FAM186A: variants seen among roughly 807,000 people sequenced by gnomAD.
FAM186A encodes protein FAM186A.
FAM186A carries 163 observed loss-of-function variants against 216.8 expected under a neutral mutation model. That is an observed-to-expected ratio of 0.75 (90% confidence interval 0.66 to 0.86). FAM186A has a LOEUF of 0.86. Ranked by LOEUF, FAM186A falls within the 40% of genes least tolerant of loss-of-function variation. FAM186A has a pLI of 0.00. For synonymous variants in FAM186A, 805 were observed against 1,025.3 expected (o/e 0.79, Z 4.10); for missense variants, 2,184 against 2,746.2 (o/e 0.80, Z 4.58).
intron 1 of FAM186A, among the ~76,000 whole-genome samples, chr12:50,385,511 G>T (rs1943294766): frequency 6.6e-6 from 1 of 151,776 alleles, no homozygotes; most frequent in East Asian, 1.9e-4. Flanking sequence ...TTTGTATATG[G>T]TTCCAAAAGT....
rs1942968408 is a variant in FAM186A, at chr12:50,355,692, C to G, written c.1140G>C (p.Lys380Asn). The G allele has an allele frequency of 6.4e-7, 1 of 1,550,674 alleles. No individual in the cohort carries two copies. Among genetic ancestry groups the G allele is most frequent in the Admixed American group, 2.0e-5 (1 of 50,788 alleles). The part of the protein sequence containing the change: ...TEDNMDNILD[K>N]ELENIVDEVQ... ...CTTCATCTACAATATTTTCAAGTTC[C>G]TTGTCTAAAATATTGTCCATATTGT... Residue 380 changes from lysine to asparagine, a missense_variant, in exon 4 of 8, where the codon AAG (lysine) becomes AAC (asparagine). Around this residue, in one of 7 missense-constraint regions of FAM186A, gnomAD observed 1,132 missense variants for 1,263.4 expected, o/e 0.90. Coordinates refer to ENST00000327337, the MANE Select transcript of FAM186A (RefSeq NM_001145475.3).
In FAM186A at chr12:50,352,932, C is replaced by A. The variant is rs1942917724; in HGVS notation, c.3900G>T (p.Gly1300=). The A allele has an allele frequency of 6.5e-7, 1 of 1,530,816 alleles. No individual in the cohort carries two copies. Among genetic ancestry groups the A allele is most frequent in the East Asian group, 2.5e-5 (1 of 39,438 alleles). The allele number at this position is 1,530,816 out of a possible 1,614,324, so 94.8% of individuals were successfully genotyped here. A position where few individuals can be genotyped will look rare whatever the true frequency, so the allele number is the denominator to read the frequency against. ...PLNPQQAQTL[G]IPLTPKQAQA... is the part of the protein sequence containing the mutation. ...GTGCCTGCTTAGGGGTGAGAGGGAT[C>A]CCCAGGGTCTGGGCCTGCTGAGGGT... The change falls in exon 4 of 8, where the codon GGG becomes GGT. Residue 1300 remains glycine (G), a synonymous_variant. Coordinates refer to ENST00000327337, the MANE Select transcript of FAM186A (RefSeq NM_001145475.3).
At position 50,353,073 on chromosome 12, in the gene FAM186A, G is replaced by A. The variant is rs1168567621; in HGVS notation, c.3759C>T (p.Ile1253=). 5 of 1,537,116 alleles carry A rather than the reference G, an allele frequency of 3.3e-6. No individual in the cohort carries two copies. Among genetic ancestry groups the A allele is most frequent in the Non-Finnish European group, 4.4e-6 (5 of 1,139,652 alleles). The change falls in exon 4 of 8, where the codon ATC becomes ATT. Residue 1253 remains isoleucine (I), a synonymous_variant. Transcript: ENST00000327337. Reference sequence around the variant, plus strand: ...CCTGAACCTGCTTAGGGGTGAGAGTGATTCCGAGAGCCTGCGCCTGCTGAG... The same window carrying A: ...CCTGAACCTGCTTAGGGGTGAGAGTAATTCCGAGAGCCTGCGCCTGCTGAG... ...LTPQQAQALG[I]TLTPKQVQEL... is the part of the protein sequence containing the mutation.
At chr12:50,370,818 C>G (rs1943136632) in intron 1 of FAM186A, among the ~76,000 whole-genome samples, 1 of 151,968 alleles carries the variant, frequency 6.6e-6, no homozygotes, top group African/African-American at 2.4e-5. Flanking sequence ...CAATGGAGGC[C>G]AGGCACAGTG....
At position 50,353,050 on chromosome 12, in the gene FAM186A, T is replaced by C. The variant is rs1440465493; in HGVS notation, c.3782A>G (p.Gln1261Arg). The change falls in exon 4 of 8, where the codon CAG becomes CGG. Residue 1261 changes from glutamine (Q) to arginine (R), a missense_variant. Gln to Arg is a conservative substitution (Grantham distance 43). Coordinates refer to ENST00000327337, the MANE Select transcript of FAM186A (RefSeq NM_001145475.3). Reference sequence around the variant, plus strand: ...AGGAGTAAGAGGGATCCCCAGTTCCTGAACCTGCTTAGGGGTGAGAGTGAT... The same window carrying C: ...AGGAGTAAGAGGGATCCCCAGTTCCCGAACCTGCTTAGGGGTGAGAGTGAT... ...LGITLTPKQV[Q>R]ELGIPLTPQQ... 3.3e-6 allele frequency: 5 copies of C among 1,535,734 alleles called. No homozygotes were observed. The highest frequency in any genetic ancestry group is 4.4e-6 in the Non-Finnish European group (5 of 1,138,944).
rs1942898884 is a variant in FAM186A at position 50,352,201 on chromosome 12, G to T, written c.4631C>A (p.Thr1544Asn). ...CCCCAGGGCCTGGACCTGCTGAGGG[G>T]TGAGAGGGATCCCCAATTCCTGAGC... ...PQAQELGIPLTPQQVQALGIP... is the reference protein window; with the variant it reads ...PQAQELGIPLNPQQVQALGIP... The change falls in exon 4 of 8, where the codon ACC (threonine) becomes AAC (asparagine). Residue 1544 changes from threonine to asparagine, a missense_variant. By Grantham distance (65) the Thr-to-Asn change is moderately conservative (BLOSUM62 0). Around this residue, in one of 7 missense-constraint regions of FAM186A, gnomAD observed 19 missense variants for 22.4 expected, o/e 0.85. Coordinates refer to ENST00000327337, the MANE Select transcript of FAM186A (RefSeq NM_001145475.3). 15 of 1,525,690 alleles carry T rather than the reference G, an allele frequency of 9.8e-6. No homozygotes were observed. The highest frequency in any genetic ancestry group is 1.3e-5 in the Non-Finnish European group (15 of 1,136,958). The allele number at this position is 1,525,690 out of a possible 1,614,324, so 94.5% of individuals were successfully genotyped here.
At chr12:50,359,133 G>A (rs1181628136) in intron 3 of FAM186A, among the ~76,000 whole-genome samples, 3 of 151,454 alleles carry the variant, frequency 2.0e-5, no homozygotes, top group Non-Finnish European at 3.0e-5. Context: ...GACAGAGGCC[G>A]GGTGCCTGTA....
chr12:50,368,814 G>A (rs1054238135), intron 1 of FAM186A, among the ~76,000 whole-genome samples: 5 of 151,876 alleles, frequency 3.3e-5, no homozygotes, highest in Non-Finnish European at 7.4e-5. Flanking sequence ...CAGGCATAAC[G>A]ACAGACATAT....
chr12:50,378,297 G>A (rs1326732923), intron 1 of FAM186A, among the ~76,000 whole-genome samples: 1 of 151,672 alleles, frequency 6.6e-6, no homozygotes, highest in Non-Finnish European at 1.5e-5. Context: ...TTGGGAGGCC[G>A]AGGTGGGTGG....
chr12:50,330,503 T>C, intron 7 of FAM186A, 70 bp downstream of exon 7: 1 of 1,486,776 alleles, frequency 6.7e-7, no homozygotes, highest in Non-Finnish European at 9.0e-7. Context: ...CAGGAGAAAG[T>C]CAAGTTAGGG....
At chr12:50,365,358 A>G (rs1943077974) in intron 1 of FAM186A, among the ~76,000 whole-genome samples, 2 of 152,344 alleles carry the variant, frequency 1.3e-5, no homozygotes, top group South Asian at 2.1e-4. Context: ...ACTGAAATGC[A>G]TGTTATTATA....
At chr12:50,331,493 C>T (rs1281675163) in intron 6 of FAM186A, among the ~76,000 whole-genome samples, 177 bp downstream of exon 6, 2 of 152,128 alleles carry the variant, frequency 1.3e-5, no homozygotes, top group Admixed American at 6.6e-5. Flanking sequence ...TCACCTGCCT[C>T]GGCCTCCCAA....
chr12:50,394,958 G>A (rs1010108200), intron 1 of FAM186A, among the ~76,000 whole-genome samples: 10 of 150,616 alleles, frequency 6.6e-5, no homozygotes, highest in African/African-American at 2.4e-4. Flanking sequence ...TCAAACTCCT[G>A]GGCTCAAGTG....
chr12:50,363,069 C>CA, intron 2 of FAM186A, 76 bp downstream of exon 2: 1 of 1,243,090 alleles, frequency 8.0e-7, no homozygotes, highest in East Asian at 2.6e-5. Flanking sequence ...ATTAATCCTT[C>CA]AAAATTTACT....
intron 1 of FAM186A, among the ~76,000 whole-genome samples, chr12:50,363,779 A>G (rs1943059950): frequency 6.6e-6 from 1 of 151,536 alleles, no homozygotes; most frequent in South Asian, 2.1e-4. Flanking sequence ...AAAAGAAAGA[A>G]AGAAAGAAAA....
At position 50,327,348 on chromosome 12, in the gene FAM186A, A is replaced by G; in HGVS notation, c.*35T>C. On this transcript the variant is annotated 3_prime_UTR_variant, in exon 8 of 8. Transcript: ENST00000327337. ...AGGCATTTTACTGAAAGATACTGAAATGTACTTTCAACATGCTTGTATTTA... is the reference window on the plus strand; with the variant it reads ...AGGCATTTTACTGAAAGATACTGAAGTGTACTTTCAACATGCTTGTATTTA... 2 of 1,518,016 alleles carry G rather than the reference A, an allele frequency of 1.3e-6. No homozygotes were observed. Among genetic ancestry groups the G allele is most frequent in the African/African-American group, 1.4e-5 (1 of 72,492 alleles). The allele number at this position is 1,518,016 out of a possible 1,614,324, so 94.0% of individuals were successfully genotyped here.
chr12:50,340,671 T>C (rs1942753840), intron 4 of FAM186A, among the ~76,000 whole-genome samples: 1 of 150,732 alleles, frequency 6.6e-6, no homozygotes. Flanking sequence ...CAAGACCCTG[T>C]CTCTTTAAAA....
In FAM186A at chr12:50,330,661, G is replaced by C. The variant is rs12809349; in HGVS notation, c.6946C>G (p.Gln2316Glu). Residue 2316 changes from glutamine to glutamate, a missense_variant, in exon 7 of 8, where the codon CAG becomes GAG. Coordinates refer to ENST00000327337, the MANE Select transcript of FAM186A (RefSeq NM_001145475.3). ...GGAATATCTGGGTACCCACCCAGCT[G>C]GGCCCAGAGTGAATGCATAGATGTC... is the stretch of plus-strand genomic sequence containing the variant. ...EKTSMHSLWA[Q>E]LGGYPDIPRL... is the part of the protein sequence containing the mutation. 0.025 allele frequency: 39,542 copies of C among 1,550,672 alleles called. 706 individuals are homozygous for C. Among genetic ancestry groups the C allele is most frequent in the Non-Finnish European group, 0.032 (36,182 of 1,146,550 alleles).
At chr12:50,372,287 T>G (rs960397667) in intron 1 of FAM186A, among the ~76,000 whole-genome samples, 1 of 151,840 alleles carries the variant, frequency 6.6e-6, no homozygotes, top group African/African-American at 2.4e-5. Flanking sequence ...AACTAATACA[T>G]AGTATGGTGG....
Sources: gnomAD v4.1 joint callset for allele counts (sites outside exome capture counted in the v4.1 genomes callset) on GRCh38, gnomAD v4.1.1 for gene constraint, gnomAD v4.1.1 regional missense constraint, MANE v1.5 for transcripts, NCBI Gene and HGNC (gene_info 2026-07-23, HGNC 2026-07-21) for gene names.